The following RBFOX1 variants were observed in gnomAD, a reference collection of about 807,000 sequenced individuals.
RBFOX1 encodes the protein RNA binding protein fox-1 homolog 1.
Under a neutral mutation model 57.7 loss-of-function variants are expected in RBFOX1, and 8 were observed. The observed-to-expected ratio is 0.14, with a 90% CI of 0.08 to 0.25. The LOEUF (loss-of-function observed/expected upper bound fraction) is 0.25. RBFOX1 is among the 10% of genes least tolerant of loss of function. The pLI is 1.00. For missense variants in RBFOX1, 611 were observed against 548.5 expected, an observed-to-expected ratio of 1.11 and a Z score of -1.14; for synonymous variants, 326 against 222.4, an observed-to-expected ratio of 1.47 and a Z score of -4.15.
chr16:6,612,453 T>C (rs1169576886), intron 2 of RBFOX1, among the ~76,000 whole-genome samples: 1 of 151,970 alleles, frequency 6.6e-6, no homozygotes, highest in Non-Finnish European at 1.5e-5. Context: ...ATTGACTTAT[T>C]TAAGTTTCAC....
At chr16:7,615,690 A>G (rs1453786320) in intron 10 of RBFOX1, among the ~76,000 whole-genome samples, 2 of 152,014 alleles carry the variant, frequency 1.3e-5, no homozygotes, top group Admixed American at 6.6e-5. Context: ...ATTTCTGGAA[A>G]CATTTGTTTC....
intron 4 of RBFOX1, among the ~76,000 whole-genome samples, chr16:7,075,801 T>A (rs1174532188): frequency 6.6e-6 from 1 of 152,118 alleles, no homozygotes; most frequent in Non-Finnish European, 1.5e-5. Flanking sequence ...AGGATGGTCT[T>A]GATCTCCTGA....
chr16:6,905,552 C>CAAAAAAAA (rs55769867), intron 3 of RBFOX1, among the ~76,000 whole-genome samples: 1 of 143,358 alleles, frequency 7.0e-6, no homozygotes. Context: ...GACTCCATCT[C>CAAAAAAAA]AAAAAAAAAA....
chr16:6,463,653 G>T (rs73540082), intron 2 of RBFOX1, among the ~76,000 whole-genome samples: 1 of 152,148 alleles, frequency 6.6e-6, no homozygotes, highest in Non-Finnish European at 1.5e-5. Flanking sequence ...AACCAATGTC[G>T]TGAGCACCGG....
intron 11 of RBFOX1, among the ~76,000 whole-genome samples, chr16:7,634,250 TGAAG>T (rs759442236): frequency 7.5e-4 from 114 of 152,342 alleles, no homozygotes; most frequent in African/African-American, 2.7e-3. Context: ...GCTGTGCTCC[TGAAG>T]GAAGGTGTGT....
At chr16:6,628,142 C>G (rs2098334888) in intron 2 of RBFOX1, among the ~76,000 whole-genome samples, 1 of 152,196 alleles carries the variant, frequency 6.6e-6, no homozygotes, top group South Asian at 2.1e-4. Flanking sequence ...CTCTGTGATA[C>G]TGGTATGGCG....
intron 1 of RBFOX1, among the ~76,000 whole-genome samples, chr16:5,425,193 A>G (rs1355759763): frequency 1.1e-4 from 17 of 150,408 alleles, no homozygotes; most frequent in Non-Finnish European, 3.0e-5. Flanking sequence ...GCAACCTCCG[A>G]CTCCTTGGTT....
chr16:7,490,991 C>G (rs985851523), intron 4 of RBFOX1, among the ~76,000 whole-genome samples: 1 of 152,084 alleles, frequency 6.6e-6, no homozygotes, highest in Non-Finnish European at 1.5e-5. Flanking sequence ...ATCATAGCAC[C>G]CTTGGAAAAC....
intron 11 of RBFOX1, among the ~76,000 whole-genome samples, chr16:7,632,889 T>C (rs2061203763): frequency 6.6e-6 from 1 of 151,466 alleles, no homozygotes; most frequent in Non-Finnish European, 1.5e-5. Flanking sequence ...TTTACAGAAG[T>C]GAACAAAACA....
chr16:7,031,958 C>T (rs892012040), intron 3 of RBFOX1, among the ~76,000 whole-genome samples: 4 of 152,124 alleles, frequency 2.6e-5, no homozygotes, highest in African/African-American at 9.7e-5. Context: ...GGATGGACTT[C>T]CTCGTTATTT....
intron 1 of RBFOX1, among the ~76,000 whole-genome samples, chr16:5,398,407 G>A (rs1288486633): frequency 6.6e-6 from 1 of 152,084 alleles, no homozygotes; most frequent in Admixed American, 6.6e-5. Flanking sequence ...GTGCATGTGT[G>A]TGATTGTGTA....
At chr16:6,965,938 G>C (rs575863473) in intron 3 of RBFOX1, among the ~76,000 whole-genome samples, 1 of 152,266 alleles carries the variant, frequency 6.6e-6, no homozygotes, top group Admixed American at 6.5e-5. Flanking sequence ...AGCATCGGGG[G>C]ATCCAGTGCC....
chr16:7,027,886 A>G (rs76976177), intron 3 of RBFOX1, among the ~76,000 whole-genome samples: 2,423 of 151,808 alleles, frequency 0.016, 66 homozygotes, highest in African/African-American at 0.055. Context: ...GGAGAAAAAA[A>G]GAAGGGAGAA....
intron 4 of RBFOX1, among the ~76,000 whole-genome samples, chr16:7,432,796 A>C (rs1423894207): frequency 2.0e-5 from 3 of 152,152 alleles, no homozygotes; most frequent in Non-Finnish European, 2.9e-5. Context: ...CATTCTGTTG[A>C]TTCCTGGAAC....
chr16:7,570,701 C>T (rs537034065), intron 5 of RBFOX1, among the ~76,000 whole-genome samples: 1 of 152,132 alleles, frequency 6.6e-6, no homozygotes, highest in Non-Finnish European at 1.5e-5. Flanking sequence ...TACCTGGAAC[C>T]AGAAATACCA....
chr16:7,668,305 C>G (rs1005749746), intron 13 of RBFOX1, among the ~76,000 whole-genome samples: 1 of 152,204 alleles, frequency 6.6e-6, no homozygotes, highest in African/African-American at 2.4e-5. Flanking sequence ...AAGCCACAAC[C>G]TCTTCTCTCA....
intron 1 of RBFOX1, among the ~76,000 whole-genome samples, chr16:6,077,333 A>G (rs1395968539): frequency 2.1e-5 from 3 of 142,640 alleles, no homozygotes; most frequent in East Asian, 2.0e-4. Context: ...AAAACAAGTC[A>G]TATCTTTAAA....
intron 3 of RBFOX1, among the ~76,000 whole-genome samples, chr16:5,726,899 G>C (rs1208279182): frequency 1.3e-5 from 2 of 152,126 alleles, no homozygotes; most frequent in Non-Finnish European, 2.9e-5. Context: ...CTGAGGCTCA[G>C]AAAGGTTCTG....
intron 3 of RBFOX1, among the ~76,000 whole-genome samples, chr16:6,855,845 C>CTTTTCCTCCCTG (rs2057772921): frequency 8.7e-6 from 1 of 114,674 alleles, no homozygotes; most frequent in Non-Finnish European, 1.9e-5. Context: ...TTCCCTCCCT[C>CTTTTCCTCCCTG]TTTCCCTCCC....
Sources: allele counts gnomAD v4.1 joint callset (sites outside exome capture counted in the v4.1 genomes callset), GRCh38; gene constraint gnomAD v4.1.1; transcripts MANE v1.5; gene names NCBI Gene and HGNC (gene_info 2026-07-23, HGNC 2026-07-21).